SIPA1L2: variants seen among roughly 807,000 people sequenced by gnomAD.
SIPA1L2 encodes signal induced proliferation associated 1 like 2.
A neutral mutation model predicts 163.9 loss-of-function variants in SIPA1L2; 56 were observed. The observed-to-expected ratio is 0.34, with a 90% CI of 0.28 to 0.43. The LOEUF (loss-of-function observed/expected upper bound fraction) is 0.43, where lower values mean the gene tolerates loss of function less well. Among genes scored for constraint, SIPA1L2 ranks in the 20% least tolerant of loss-of-function variants. The pLI is 1.00. For missense variants in SIPA1L2, 1,974 were observed against 2,193.5 expected (o/e 0.90, Z 2.00); for synonymous variants, 877 against 865.7 (o/e 1.01, Z -0.23).
At chr1:232,599,997 T>G (rs1661509255) in intron 1 of SIPA1L2, among the ~76,000 whole-genome samples, 1 of 152,268 alleles carries the variant, frequency 6.6e-6, no homozygotes, top group African/African-American at 2.4e-5. Flanking sequence ...ACTTGGGCTC[T>G]GCTTGCCCAT....
At chr1:232,620,339 T>G (rs1662737334) in intron 1 of SIPA1L2, among the ~76,000 whole-genome samples, 1 of 152,186 alleles carries the variant, frequency 6.6e-6, no homozygotes, top group Admixed American at 6.5e-5. Flanking sequence ...GGTGTCTCGA[T>G]GTACACTTCT....
intron 2 of SIPA1L2, among the ~76,000 whole-genome samples, chr1:232,568,763 A>G (rs1659548531): frequency 1.3e-5 from 2 of 152,138 alleles, no homozygotes; most frequent in Admixed American, 6.5e-5. Context: ...AATAAAGTAC[A>G]CCAAAATGCA....
rs373140252 is a variant in SIPA1L2, at chr1:232,517,783, A to G, written c.-269-2175T>C. Among the ~76,000 whole-genome samples, 15 of 152,368 alleles carry G rather than the reference A, an allele frequency of 9.8e-5. No individual in the cohort carries two copies. The East Asian group carries it at 2.1e-3, about 22-fold the overall frequency. ...TAGCTGGGTGTGATGGCTCACACCT[A>G]TAACGCCAGCACTTTGAGAAGCTGA... On this transcript the variant is annotated intron_variant, in intron 2 of 22. Coordinates refer to ENST00000674635, the MANE Select transcript of SIPA1L2 (RefSeq NM_020808.5).
At chr1:232,580,347 TCA>T (rs1660308547) in intron 1 of SIPA1L2, among the ~76,000 whole-genome samples, 1 of 152,310 alleles carries the variant, frequency 6.6e-6, no homozygotes, top group South Asian at 2.1e-4. Flanking sequence ...CTTCTTTACC[TCA>T]ACCTGTTTTA....
chr1:232,577,269 C>T (rs1015911168), intron 1 of SIPA1L2, among the ~76,000 whole-genome samples: 1 of 152,122 alleles, frequency 6.6e-6, no homozygotes, highest in South Asian at 2.1e-4. Flanking sequence ...GCATTATTTA[C>T]TAAATATTTT....
intron 2 of SIPA1L2, among the ~76,000 whole-genome samples, chr1:232,520,293 A>C (rs1007883191): frequency 5.9e-5 from 9 of 152,178 alleles, no homozygotes; most frequent in African/African-American, 2.2e-4. Flanking sequence ...CACTTTAAAA[A>C]CCCAGACAGA....
chr1:232,414,922 C>T (rs1359991656), intron 19 of SIPA1L2, among the ~76,000 whole-genome samples: 1 of 152,184 alleles, frequency 6.6e-6, no homozygotes, highest in Non-Finnish European at 1.5e-5. Context: ...TGACAGAAGA[C>T]AGTGTGGCAG....
chr1:232,465,053 G>T lies in SIPA1L2; in HGVS notation c.2607C>A (p.Asp869Glu). ...TGGAGATCCCGAGAAGACATTCAAT[G>T]TCAGCAGACTGGCCGAAGTCCCGGG... is the stretch of plus-strand genomic sequence containing the variant. ...VIARDFGQSA[D>E]IECLLGISNE... The change falls in exon 9 of 23, where the codon GAC becomes GAA. Residue 869 changes from aspartate (D) to glutamate (E), a missense_variant. Physicochemically the swap from Asp to Glu is conservative, Grantham distance 45. Transcript: ENST00000674635. The surrounding 1 kb of genome is among the most constrained non-coding windows in gnomAD (Gnocchi z 4.1). 1.9e-6 allele frequency: 3 copies of T among 1,614,174 alleles called. No homozygotes were observed. Among genetic ancestry groups the T allele is most frequent in the Non-Finnish European group, 2.5e-6 (3 of 1,180,030 alleles).
At chr1:232,491,973 C>T (rs880835) in intron 4 of SIPA1L2, among the ~76,000 whole-genome samples, 38,205 of 152,008 alleles carry the variant, frequency 0.25, 4,941 homozygotes, top group Admixed American at 0.35. Context: ...TAATTTTGTT[C>T]AGTTATTTTA....
At chr1:232,558,308 C>T (rs981875238) in intron 2 of SIPA1L2, among the ~76,000 whole-genome samples, 1 of 152,124 alleles carries the variant, frequency 6.6e-6, no homozygotes, top group Non-Finnish European at 1.5e-5. Context: ...GGAGAAGGAC[C>T]CTCAGCCACT....
chr1:232,408,288 G>GTTT (rs56832581), intron 19 of SIPA1L2, among the ~76,000 whole-genome samples: 2,021 of 146,520 alleles, frequency 0.014, 19 homozygotes, highest in South Asian at 0.026. Flanking sequence ...ATGAAGGACT[G>GTTT]TTTTTTTTTT....
chr1:232,630,336 G>C (rs965847109), upstream of SIPA1L2, among the ~76,000 whole-genome samples: 1 of 151,978 alleles, frequency 6.6e-6, no homozygotes, highest in Admixed American at 6.5e-5. Context: ...CGGGAGCTGC[G>C]CGTCCAGGAG....
intron 18 of SIPA1L2, among the ~76,000 whole-genome samples, chr1:232,423,055 C>T (rs1230311379): frequency 1.3e-5 from 2 of 152,112 alleles, no homozygotes; most frequent in African/African-American, 4.8e-5. Context: ...GACACTCTGT[C>T]GCAATGCTGA....
intron 2 of SIPA1L2, among the ~76,000 whole-genome samples, chr1:232,539,545 C>T (rs1485202821): frequency 1.3e-5 from 2 of 152,048 alleles, no homozygotes; most frequent in Non-Finnish European, 2.9e-5. Flanking sequence ...CCCACTACCT[C>T]AGAAATTTGG....
At chr1:232,470,391 A>G (rs1223190429) in intron 8 of SIPA1L2, among the ~76,000 whole-genome samples, 1 of 152,094 alleles carries the variant, frequency 6.6e-6, no homozygotes, top group East Asian at 1.9e-4. Context: ...CAGGGTAAGA[A>G]CTGATGGTTT....
At chr1:232,604,356 T>C (rs1017511577) in intron 1 of SIPA1L2, among the ~76,000 whole-genome samples, 5 of 152,254 alleles carry the variant, frequency 3.3e-5, no homozygotes, top group Admixed American at 3.3e-4. Context: ...CCTCTCACTC[T>C]GCTCCAGTGT....
intron 10 of SIPA1L2, among the ~76,000 whole-genome samples, chr1:232,451,055 G>T (rs1218551572): frequency 1.3e-5 from 2 of 152,096 alleles, no homozygotes; most frequent in Admixed American, 1.3e-4. Flanking sequence ...AACTAATTTT[G>T]TTATTATGTG....
chr1:232,607,858 C>G (rs1313765209), intron 1 of SIPA1L2, among the ~76,000 whole-genome samples: 1 of 151,218 alleles, frequency 6.6e-6, no homozygotes, highest in African/African-American at 2.4e-5. Flanking sequence ...GAGTTTGAAA[C>G]CAGCCTGACC....
At chr1:232,526,675 T>C (rs891492088) in intron 2 of SIPA1L2, among the ~76,000 whole-genome samples, 1 of 152,162 alleles carries the variant, frequency 6.6e-6, no homozygotes, top group African/African-American at 2.4e-5. Flanking sequence ...CTATATACCG[T>C]AGGCCTGTGA....
Sources: allele counts gnomAD v4.1 joint callset (sites outside exome capture counted in the v4.1 genomes callset), GRCh38; gene constraint gnomAD v4.1.1; non-coding constraint Gnocchi (gnomAD v3.1); transcripts MANE v1.5; gene names NCBI Gene and HGNC (gene_info 2026-07-23, HGNC 2026-07-21).